MREG: variants seen among roughly 807,000 people sequenced by gnomAD.
MREG encodes the protein melanoregulin, also known as dilute suppressor protein homolog.
A neutral mutation model predicts 28.5 loss-of-function variants in MREG; 31 were observed. The observed-to-expected ratio is 1.09, with a 90% CI of 0.82 to 1.47. The LOEUF (loss-of-function observed/expected upper bound fraction) is 1.47. Among genes scored for constraint, MREG ranks in the 40% most tolerant of loss-of-function variants. MREG has a pLI of 0.00. For missense variants in MREG, 256 were observed against 257.4 expected (o/e 0.99, Z 0.04); for synonymous variants, 106 against 95.2 (o/e 1.11, Z -0.66).
chr2:215,982,609 T>A (rs1693460723), intron 2 of MREG, among the ~76,000 whole-genome samples: 1 of 152,148 alleles, frequency 6.6e-6, no homozygotes. Context: ...TCAGCAAACA[T>A]AGACCGGAGT....
intron 1 of MREG, among the ~76,000 whole-genome samples, chr2:216,027,141 T>C (rs1694608797): frequency 6.6e-6 from 1 of 152,246 alleles, no homozygotes; most frequent in Non-Finnish European, 1.5e-5. Context: ...AATTCAAAGA[T>C]ACTTGATGAA....
At chr2:216,013,702 G>C (rs759099713), upstream of MREG, 1 of 152,304 alleles carries the variant, frequency 6.6e-6, no homozygotes, top group African/African-American at 2.4e-5. Flanking sequence ...CAGCCGGGCT[G>C]GGGGAGGGCG....
At chr2:215,968,181 T>C (rs139243104) in intron 2 of MREG, among the ~76,000 whole-genome samples, 207 of 152,120 alleles carry the variant, frequency 1.4e-3, no homozygotes, top group African/African-American at 4.3e-3. Flanking sequence ...ACACAGCAAA[T>C]TCACAGTAGA....
intron 2 of MREG, among the ~76,000 whole-genome samples, chr2:215,957,515 A>G (rs532986005): frequency 1.3e-5 from 2 of 152,156 alleles, no homozygotes; most frequent in Non-Finnish European, 2.9e-5. Context: ...CAAGAGGAAG[A>G]AAGAGAGGAG....
intron 1 of MREG, among the ~76,000 whole-genome samples, chr2:216,010,174 A>G (rs138519227): frequency 1.4e-4 from 22 of 152,236 alleles, no homozygotes; most frequent in East Asian, 7.7e-4. Context: ...GAGACACATC[A>G]AAGATGAAGG....
At chr2:215,958,277 T>TA (rs1692684971) in intron 2 of MREG, among the ~76,000 whole-genome samples, 1 of 148,224 alleles carries the variant, frequency 6.7e-6, no homozygotes. Flanking sequence ...TAAAAATAAA[T>TA]AAATAAATAA....
rs3220063 is a variant in MREG, at chr2:215,954,483, C to CACAA, written c.256-7371_256-7370insTTGT. Among the ~76,000 whole-genome samples, 406 of 150,902 alleles carry CACAA rather than the reference C, an allele frequency of 2.7e-3. 8 individuals carry two copies. The highest frequency in any genetic ancestry group is 9.0e-3 in the African/African-American group (371 of 41,180). ...ACACACACACACACACACACACACA[C>CACAA]AAAACAACCAGAAGAGTATTGCTCA... On this transcript the variant is annotated intron_variant, in intron 2 of 4. Coordinates refer to ENST00000263268, the MANE Select transcript of MREG (RefSeq NM_018000.3).
intron 1 of MREG, among the ~76,000 whole-genome samples, chr2:216,010,521 C>A (rs1171885472): frequency 1.3e-5 from 2 of 151,472 alleles, no homozygotes; most frequent in Non-Finnish European, 2.9e-5. Flanking sequence ...CTACACCCGG[C>A]TAATTTTTTG....
At chr2:216,002,980 CTCTT>C (rs140790282) in intron 1 of MREG, among the ~76,000 whole-genome samples, 2,909 of 151,700 alleles carry the variant, frequency 0.019, 79 homozygotes, top group African/African-American at 0.066. Flanking sequence ...TCTCTTTTCT[CTCTT>C]TCTGTCTCTC....
chr2:216,006,639 C>T (rs1396479422), intron 1 of MREG, among the ~76,000 whole-genome samples: 2 of 152,230 alleles, frequency 1.3e-5, no homozygotes, highest in East Asian at 3.8e-4. Flanking sequence ...AAAAGTCAGG[C>T]CATCTGGGCC....
At chr2:215,996,270 T>C (rs766328236) in intron 2 of MREG, 36 bp downstream of exon 2, 22 of 1,592,766 alleles carry the variant, frequency 1.4e-5, no homozygotes, top group Non-Finnish European at 6.0e-6. Context: ...CTATATAGCA[T>C]CATCCGCGCA....
intron 2 of MREG, among the ~76,000 whole-genome samples, chr2:215,975,511 A>G (rs1391749188): frequency 6.6e-6 from 1 of 152,190 alleles, no homozygotes; most frequent in Non-Finnish European, 1.5e-5. Flanking sequence ...AATGACTGCC[A>G]CAGAAGCCAA....
intron 1 of MREG, among the ~76,000 whole-genome samples, chr2:216,024,981 AAAAGGAAAAGG>A (rs550679628): frequency 1.0e-3 from 151 of 151,474 alleles, no homozygotes; most frequent in African/African-American, 2.8e-3. Flanking sequence ...AGGAAAAAGG[AAAAGGAAAAGG>A]AAAGGAAAAG....
chr2:216,005,723 G>A (rs1694135970), intron 1 of MREG, among the ~76,000 whole-genome samples: 1 of 151,652 alleles, frequency 6.6e-6, no homozygotes, highest in African/African-American at 2.4e-5. Flanking sequence ...AAAGTGTTGG[G>A]ATTACAGGTG....
chr2:215,975,363 T>A (rs1397791771), intron 2 of MREG, among the ~76,000 whole-genome samples: 1 of 152,208 alleles, frequency 6.6e-6, no homozygotes, highest in Non-Finnish European at 1.5e-5. Flanking sequence ...TTCATAACCA[T>A]AACTTTGTTT....
intron 2 of MREG, among the ~76,000 whole-genome samples, chr2:215,970,603 C>T (rs1178625655): frequency 6.6e-6 from 1 of 152,190 alleles, no homozygotes; most frequent in Non-Finnish European, 1.5e-5. Context: ...ACAAGGGCAG[C>T]AGGGAAACAG....
In MREG at chr2:216,020,688, A is replaced by T. The variant is rs564245877; in HGVS notation, c.-68+12101T>A. Among the ~76,000 whole-genome samples the T allele has an allele frequency of 1.2e-4, 18 of 152,354 alleles. No individual in the cohort carries two copies. In the South Asian group the frequency reaches 2.9e-3, roughly 25 times the overall value. On this transcript the variant is annotated intron_variant, in intron 1 of 3. Transcript: ENST00000420348. Reference sequence around the variant, plus strand: ...AATGGATACTGGCAGGGCCAGAGAAAACATCCATTGCACTTGGTAATAACA... The same window carrying T: ...AATGGATACTGGCAGGGCCAGAGAATACATCCATTGCACTTGGTAATAACA...
At chr2:216,007,935 A>G (rs1694203705) in intron 1 of MREG, among the ~76,000 whole-genome samples, 1 of 152,232 alleles carries the variant, frequency 6.6e-6, no homozygotes, top group South Asian at 2.1e-4. Flanking sequence ...GCAGAAACAC[A>G]TAAAAAAAGT....
intron 2 of MREG, among the ~76,000 whole-genome samples, chr2:215,974,722 T>C (rs1181629357): frequency 6.6e-6 from 1 of 151,942 alleles, no homozygotes; most frequent in African/African-American, 2.4e-5. Flanking sequence ...CTTGGAAAGA[T>C]AAATGCTGAC....
Sources: allele counts gnomAD v4.1 joint callset (sites outside exome capture counted in the v4.1 genomes callset), GRCh38; gene constraint gnomAD v4.1.1; transcripts MANE v1.5; gene names NCBI Gene and HGNC (gene_info 2026-07-23, HGNC 2026-07-21).